The following ZC3H12B variants were observed in gnomAD, a reference collection of about 807,000 sequenced individuals.
The protein encoded by ZC3H12B is probable ribonuclease ZC3H12B.
ZC3H12B carries 7 observed loss-of-function variants against 43.9 expected under a neutral mutation model. The ratio of observed to expected loss-of-function variants is 0.16; its 90% CI spans 0.09 to 0.30. ZC3H12B has a LOEUF of 0.30. ZC3H12B is among the 10% of genes least tolerant of loss of function. The pLI, the probability that ZC3H12B is intolerant of heterozygous loss-of-function variation, is 1.00. For synonymous variants in ZC3H12B, 222 were observed against 241.7 expected, an observed-to-expected ratio of 0.92 and a Z score of 0.76; for missense variants, 475 against 670.2, an observed-to-expected ratio of 0.71 and a Z score of 3.22.
At chrX:65,351,427 A>G in the ZC3H12B span, among the ~76,000 whole-genome samples, 4 of 112,367 alleles carry the variant, frequency 3.6e-5, no homozygotes, top group East Asian at 8.3e-4. Context: ...CATGTCTAAA[A>G]CACCAAAAGC....
At chrX:65,227,170 A>T in the ZC3H12B span, among the ~76,000 whole-genome samples, 1 of 111,998 alleles carries the variant, frequency 8.9e-6, no homozygotes, top group Non-Finnish European at 1.9e-5. Context: ...AACAGAAATT[A>T]TAACAAAGTG....
chrX:65,255,343 T>C, the ZC3H12B span, among the ~76,000 whole-genome samples: 3 of 111,880 alleles, frequency 2.7e-5, no homozygotes, highest in Non-Finnish European at 5.6e-5. Flanking sequence ...AGTATCAGGC[T>C]ACCAGTGGAA....
At chrX:65,373,212 A>T (rs916440079) in intron 2 of ZC3H12B, among the ~76,000 whole-genome samples, 1 of 112,067 alleles carries the variant, frequency 8.9e-6, no homozygotes, top group Non-Finnish European at 1.9e-5. Flanking sequence ...AACCATTTAG[A>T]ATGGCAATCA....
At chrX:65,239,315 C>A in the ZC3H12B span, among the ~76,000 whole-genome samples, 5 of 110,706 alleles carry the variant, frequency 4.5e-5, no homozygotes, top group Non-Finnish European at 7.6e-5. Flanking sequence ...CCCCATTTAC[C>A]ATTATGTAAT....
At chrX:65,272,672 TTA>T in the ZC3H12B span, 1 of 111,826 alleles carries the variant, frequency 8.9e-6, no homozygotes, top group Admixed American at 9.5e-5. Flanking sequence ...AGAGCTCTTA[TTA>T]TAAGATATGG....
chrX:65,450,379 AT>A (rs1296384623), intron 3 of ZC3H12B, among the ~76,000 whole-genome samples: 1 of 80,434 alleles, frequency 1.2e-5, no homozygotes, highest in Non-Finnish European at 2.3e-5. Flanking sequence ...ACATATATAT[AT>A]TTATATGTGT....
At chrX:65,213,879 TA>T in the ZC3H12B span, among the ~76,000 whole-genome samples, 583 of 101,915 alleles carry the variant, frequency 5.7e-3, no homozygotes, top group African/African-American at 0.011. Context: ...GAAGGCAACG[TA>T]AAAAAAAAAT....
At chrX:65,058,350 G>A in the ZC3H12B span, among the ~76,000 whole-genome samples, 1 of 112,186 alleles carries the variant, frequency 8.9e-6, no homozygotes, top group Non-Finnish European at 1.9e-5. Context: ...ACTCCAGACC[G>A]TGTTTGCCTG....
At chrX:65,341,108 C>T in the ZC3H12B span, among the ~76,000 whole-genome samples, 2 of 111,567 alleles carry the variant, frequency 1.8e-5, no homozygotes, top group Admixed American at 9.5e-5. Flanking sequence ...GAGAGAATCT[C>T]GGAGCTTGAA....
the ZC3H12B span, among the ~76,000 whole-genome samples, chrX:65,099,000 G>A: frequency 7.3e-4 from 82 of 111,604 alleles, no homozygotes; most frequent in African/African-American, 2.5e-3. Flanking sequence ...TCTCACTGTC[G>A]GCAGAGCAGT....
chrX:65,394,898 C>A (rs1049099032), intron 2 of ZC3H12B, among the ~76,000 whole-genome samples: 2 of 111,532 alleles, frequency 1.8e-5, no homozygotes, highest in African/African-American at 6.5e-5. Context: ...GCTTGTAGTT[C>A]TCCTTGAAGA....
chrX:65,063,998 G>A, the ZC3H12B span, among the ~76,000 whole-genome samples: 81 of 111,760 alleles, frequency 7.2e-4, no homozygotes, highest in Admixed American at 1.6e-3. Flanking sequence ...AGGATCTTTG[G>A]TGATATCCCT....
chrX:65,319,761 G>A, the ZC3H12B span, among the ~76,000 whole-genome samples: 2 of 110,971 alleles, frequency 1.8e-5, no homozygotes, highest in African/African-American at 6.6e-5. Context: ...ATACAAATTA[G>A]GAACAACATA....
the ZC3H12B span, among the ~76,000 whole-genome samples, chrX:65,096,958 A>G: frequency 4.5e-5 from 5 of 111,606 alleles, no homozygotes; most frequent in African/African-American, 1.3e-4. Context: ...GGATCCTGAG[A>G]CCAAAAAGAT....
At chrX:65,386,067 G>C (rs1390188148) in intron 2 of ZC3H12B, among the ~76,000 whole-genome samples, 2 of 111,874 alleles carry the variant, frequency 1.8e-5, no homozygotes, top group Admixed American at 9.5e-5. Flanking sequence ...TTGAAGATTT[G>C]TGCATTGATA....
chrX:65,447,119 T>C (rs1356407217), intron 3 of ZC3H12B, among the ~76,000 whole-genome samples: 1 of 111,617 alleles, frequency 9.0e-6, no homozygotes, highest in Non-Finnish European at 1.9e-5. Flanking sequence ...CCCTTCCCAA[T>C]CTAATCTCCC....
chrX:65,154,196 A>T, the ZC3H12B span, among the ~76,000 whole-genome samples: 2 of 111,818 alleles, frequency 1.8e-5, no homozygotes, highest in Admixed American at 9.5e-5. Flanking sequence ...TAACCTGCAC[A>T]TTGTGCACAT....
chrX:65,200,221 T>A, the ZC3H12B span, among the ~76,000 whole-genome samples: 1 of 111,165 alleles, frequency 9.0e-6, no homozygotes, highest in South Asian at 3.8e-4. Flanking sequence ...GAGGTTCTTT[T>A]CCATATGTTT....
chrX:65,054,235 G>C, the ZC3H12B span, among the ~76,000 whole-genome samples: 1 of 111,872 alleles, frequency 8.9e-6, no homozygotes, highest in African/African-American at 3.3e-5. Flanking sequence ...AGTTTTTATG[G>C]TTTTAGGTCT....
Sources: allele counts gnomAD v4.1 joint callset (sites outside exome capture counted in the v4.1 genomes callset), GRCh38; gene constraint gnomAD v4.1.1; transcripts MANE v1.5; gene names NCBI Gene and HGNC (gene_info 2026-07-23, HGNC 2026-07-21).